Variants in ARHGAP20 observed in about 807,000 individuals in gnomAD.
ARHGAP20 encodes rho GTPase-activating protein 20.
In ARHGAP20, 34 loss-of-function variants were observed where a neutral mutation model predicts 73.7. The ratio of observed to expected loss-of-function variants is 0.46; its 90% CI spans 0.35 to 0.61. The LOEUF (loss-of-function observed/expected upper bound fraction) is 0.61. Among genes scored for constraint, ARHGAP20 ranks in the 20% least tolerant of loss-of-function variants. The pLI is 0.00. For missense variants in ARHGAP20, 1,314 were observed against 1,420.9 expected (o/e 0.92, Z 1.21); for synonymous variants, 523 against 518.2 (o/e 1.01, Z -0.13).
intron 9 of ARHGAP20, among the ~76,000 whole-genome samples, chr11:110,601,160 C>A (rs1213437590): frequency 6.6e-6 from 1 of 152,102 alleles, no homozygotes; most frequent in Non-Finnish European, 1.5e-5. Flanking sequence ...TACCCATTTC[C>A]TAGGACTAAG....
At chr11:110,658,813 C>T (rs1188906842) in intron 2 of ARHGAP20, among the ~76,000 whole-genome samples, 1 of 151,532 alleles carries the variant, frequency 6.6e-6, no homozygotes, top group Non-Finnish European at 1.5e-5. Context: ...GTTACCAGAG[C>T]CTGCAGTAGC....
At chr11:110,584,417 TG>T (rs1329579775) in intron 12 of ARHGAP20, among the ~76,000 whole-genome samples, 16 of 151,304 alleles carry the variant, frequency 1.1e-4, no homozygotes, top group African/African-American at 3.7e-4. Context: ...TATTCATGAC[TG>T]TTTTTTTTTT....
intron 4 of ARHGAP20, among the ~76,000 whole-genome samples, chr11:110,619,469 T>A (rs537464759): frequency 1.3e-5 from 2 of 150,404 alleles, no homozygotes; most frequent in African/African-American, 4.9e-5. Flanking sequence ...AGTGTATATG[T>A]AGTGATAGAG....
intron 2 of ARHGAP20, among the ~76,000 whole-genome samples, chr11:110,666,619 T>A (rs1472436026): frequency 1.3e-5 from 2 of 152,226 alleles, no homozygotes; most frequent in Non-Finnish European, 2.9e-5. Context: ...ATTGAAACTT[T>A]GTGGCAATCC....
intron 2 of ARHGAP20, among the ~76,000 whole-genome samples, chr11:110,635,783 C>T (rs1948954691): frequency 1.3e-5 from 2 of 151,040 alleles, no homozygotes; most frequent in Non-Finnish European, 2.9e-5. Flanking sequence ...CTACATTCAC[C>T]ATCACAGAAA....
chr11:110,657,407 T>G (rs1228624276), intron 2 of ARHGAP20, among the ~76,000 whole-genome samples: 5 of 151,952 alleles, frequency 3.3e-5, no homozygotes, highest in African/African-American at 7.3e-5. Context: ...GAAGGAGATA[T>G]AGTTTACATT....
At chr11:110,695,283 G>T (rs923868695) in intron 1 of ARHGAP20, among the ~76,000 whole-genome samples, 3 of 151,350 alleles carry the variant, frequency 2.0e-5, no homozygotes, top group African/African-American at 7.3e-5. Context: ...TGAGGCAGTG[G>T]CTTCTTATTA....
At chr11:110,711,920 A>C (rs759266246) in intron 1 of ARHGAP20, 31 of 1,255,046 alleles carry the variant, frequency 2.5e-5, no homozygotes, top group Non-Finnish European at 3.1e-5. Context: ...AGAAACGGAG[A>C]AGCGGGCGCT....
At chr11:110,643,816 T>C (rs1273841549) in intron 2 of ARHGAP20, among the ~76,000 whole-genome samples, 1 of 152,124 alleles carries the variant, frequency 6.6e-6, no homozygotes, top group Non-Finnish European at 1.5e-5. Flanking sequence ...TTGTTAGTTT[T>C]GTGCCTCAAT....
chr11:110,710,631 G>C (rs2135164216), intron 1 of ARHGAP20, among the ~76,000 whole-genome samples: 1 of 152,232 alleles, frequency 6.6e-6, no homozygotes, highest in South Asian at 2.1e-4. Context: ...TCTCCGAAGG[G>C]GAAAAGCGAC....
intron 11 of ARHGAP20, chr11:110,589,822 T>C: frequency 2.9e-6 from 2 of 688,772 alleles, no homozygotes; most frequent in Non-Finnish European, 3.6e-6. Context: ...ACTCCACTTT[T>C]AAAGTAAAAG....
chr11:110,630,900 G>A, intron 2 of ARHGAP20, 108 bp from the exon 3 acceptor site: 2 of 1,116,276 alleles, frequency 1.8e-6, no homozygotes, highest in Non-Finnish European at 2.6e-6. Context: ...CATCCTAACT[G>A]GTCATGAGTC....
chr11:110,651,524 T>TA (rs1465296565), intron 2 of ARHGAP20, among the ~76,000 whole-genome samples: 1 of 150,798 alleles, frequency 6.6e-6, no homozygotes, highest in African/African-American at 2.4e-5. Flanking sequence ...ATAGATGCAA[T>TA]AAAAAATGAT....
At chr11:110,688,669 T>C (rs949143625) in intron 2 of ARHGAP20, among the ~76,000 whole-genome samples, 2 of 152,168 alleles carry the variant, frequency 1.3e-5, no homozygotes, top group Non-Finnish European at 1.5e-5. Flanking sequence ...ATACAACCAT[T>C]CTCTTTTATT....
At chr11:110,632,667 A>G (rs968908646) in intron 2 of ARHGAP20, among the ~76,000 whole-genome samples, 3 of 152,214 alleles carry the variant, frequency 2.0e-5, no homozygotes, top group African/African-American at 7.2e-5. Context: ...GGCCTCCCAA[A>G]GTGCAAGGAT....
chr11:110,621,952 A>C (rs1185574654), intron 4 of ARHGAP20, among the ~76,000 whole-genome samples: 1 of 152,232 alleles, frequency 6.6e-6, no homozygotes, highest in Non-Finnish European at 1.5e-5. Context: ...GTTGCGGCTC[A>C]GTTCGATTCT....
At chr11:110,678,835 C>A (rs1949983753) in intron 2 of ARHGAP20, among the ~76,000 whole-genome samples, 1 of 151,872 alleles carries the variant, frequency 6.6e-6, no homozygotes, top group Admixed American at 6.6e-5. Flanking sequence ...ATAATTTTCA[C>A]ATTTTTTTTT....
intron 2 of ARHGAP20, among the ~76,000 whole-genome samples, chr11:110,671,654 CA>C (rs796553319): frequency 6.6e-6 from 1 of 151,632 alleles, no homozygotes; most frequent in African/African-American, 2.4e-5. Context: ...AGGTCAATAA[CA>C]AAAAAATCAA....
At chr11:110,679,736 C>A (rs1220598523) in intron 2 of ARHGAP20, among the ~76,000 whole-genome samples, 1 of 152,188 alleles carries the variant, frequency 6.6e-6, no homozygotes. Context: ...ATGGGTGACT[C>A]CACCAGGGTC....
Sources: gnomAD v4.1 joint callset for allele counts (sites outside exome capture counted in the v4.1 genomes callset) on GRCh38, gnomAD v4.1.1 for gene constraint, MANE v1.5 for transcripts, NCBI Gene and HGNC (gene_info 2026-07-23, HGNC 2026-07-21) for gene names.